The following PPP2R5C variants were observed in gnomAD, a reference collection of about 807,000 sequenced individuals.
The protein encoded by PPP2R5C is serine/threonine-protein phosphatase 2A 56 kDa regulatory subunit gamma isoform.
PPP2R5C carries 7 observed loss-of-function variants against 68.9 expected under a neutral mutation model. The ratio of observed to expected loss-of-function variants is 0.10; its 90% CI spans 0.06 to 0.19. The LOEUF (loss-of-function observed/expected upper bound fraction) is 0.19, where lower values mean the gene tolerates loss of function less well. Among genes scored for constraint, PPP2R5C ranks in the 10% least tolerant of loss-of-function variants. The probability of loss-of-function intolerance (pLI) is 1.00; values close to 1 mark genes in which losing one functional copy is unlikely to be tolerated. For missense variants in PPP2R5C, 348 were observed against 641.3 expected (o/e 0.54, Z 4.94); for synonymous variants, 210 against 222.2 (o/e 0.95, Z 0.49).
chr14:101,787,578 A>G (rs1345190496), intron 3 of PPP2R5C, among the ~76,000 whole-genome samples: 5 of 143,638 alleles, frequency 3.5e-5, no homozygotes, highest in African/African-American at 5.5e-5. Context: ...CCTGGCTAAC[A>G]TGGTGAAACC....
At chr14:101,876,479 T>C (rs560511283) in intron 2 of PPP2R5C, among the ~76,000 whole-genome samples, 3 of 152,218 alleles carry the variant, frequency 2.0e-5, no homozygotes, top group Admixed American at 6.5e-5. Flanking sequence ...GCTGCAGTTA[T>C]GTTACGGCAT....
At chr14:101,770,534 C>T (rs1036583597) in intron 2 of PPP2R5C, among the ~76,000 whole-genome samples, 2 of 152,134 alleles carry the variant, frequency 1.3e-5, no homozygotes, top group African/African-American at 4.8e-5. Context: ...TGCTTTAAAG[C>T]GTCTAGGGAG....
intron 2 of PPP2R5C, among the ~76,000 whole-genome samples, chr14:101,865,405 C>A (rs1217690579): frequency 6.6e-6 from 1 of 152,204 alleles, no homozygotes; most frequent in Non-Finnish European, 1.5e-5. Flanking sequence ...CCAGAAGAGG[C>A]CTGATGTCTC....
chr14:101,868,006 C>T (rs576566586), intron 2 of PPP2R5C, among the ~76,000 whole-genome samples: 9 of 152,104 alleles, frequency 5.9e-5, no homozygotes, highest in Non-Finnish European at 1.2e-4. Flanking sequence ...ACACCCTGCA[C>T]CCCCAGATGG....
At chr14:101,905,249 G>A (rs906673135) in intron 9 of PPP2R5C, among the ~76,000 whole-genome samples, 4 of 152,248 alleles carry the variant, frequency 2.6e-5, no homozygotes, top group Admixed American at 2.6e-4. Context: ...AGCCACTCAG[G>A]AGGCTCAGGT....
intron 12 of PPP2R5C, chr14:101,914,085 T>C (rs1349171530): frequency 8.9e-6 from 4 of 448,108 alleles, no homozygotes; most frequent in Non-Finnish European, 1.8e-5. Context: ...GTTCTCTTTT[T>C]TCTTTTTCTC....
At chr14:101,919,747 C>A (rs930547097) in intron 13 of PPP2R5C, among the ~76,000 whole-genome samples, 1 of 152,140 alleles carries the variant, frequency 6.6e-6, no homozygotes, top group African/African-American at 2.4e-5. Flanking sequence ...GCAGGCAGAT[C>A]ACCTGTGCTC....
At position 101,906,656 on chromosome 14, in the gene PPP2R5C, G is replaced by T; in HGVS notation, c.1151+127G>T. 1 of 1,273,620 alleles carries T rather than the reference G, an allele frequency of 7.9e-7. No homozygotes were observed. Among genetic ancestry groups the T allele is most frequent in the Non-Finnish European group, 1.1e-6 (1 of 933,832 alleles). 78.9% of individuals were successfully genotyped at this position (1,273,620 alleles called of 1,614,324 possible). The stretch of plus-strand genomic sequence containing the variant: ...AAAAAACAAGAAGGTCAGTTGCTTT[G>T]TGGACTCATAAATTAAGTAGCAGCG... On this transcript the variant is annotated intron_variant, in intron 10 of 13. Transcript: ENST00000334743. This position sits in a 1 kb window ranked among gnomAD's most constrained non-coding sequence, Gnocchi z 4.0.
upstream of PPP2R5C, among the ~76,000 whole-genome samples, chr14:101,760,975 GAGGGGAGGGC>G (rs1448026436): frequency 9.5e-5 from 9 of 94,674 alleles, no homozygotes; most frequent in East Asian, 3.7e-4. Context: ...GAGGGGAGGG[GAGGGGAGGGC>G]AGGGGACGGG....
chr14:101,886,960 C>G (rs2044565616), intron 5 of PPP2R5C, among the ~76,000 whole-genome samples: 1 of 152,166 alleles, frequency 6.6e-6, no homozygotes, highest in Non-Finnish European at 1.5e-5. Flanking sequence ...GTCTCAAACT[C>G]CTGGCCTCAA....
intron 1 of PPP2R5C, chr14:101,824,181 C>G (rs1226389927): frequency 4.8e-6 from 6 of 1,260,556 alleles, no homozygotes; most frequent in Non-Finnish European, 6.2e-6. Flanking sequence ...TAAACGTAAA[C>G]TTACTATTGG....
rs931676434 is a variant in PPP2R5C, at chr14:101,906,867, C to T, written c.1151+338C>T. Among the ~76,000 whole-genome samples the T allele has an allele frequency of 6.6e-6, 1 of 152,134 alleles. No individual in the cohort carries two copies. Among genetic ancestry groups the T allele is most frequent in the Non-Finnish European group, 1.5e-5 (1 of 68,026 alleles). On this transcript the variant is annotated intron_variant, in intron 10 of 13. Transcript: ENST00000334743. This position sits in a 1 kb window ranked among gnomAD's most constrained non-coding sequence, Gnocchi z 4.0. ...CTCAGCCCCGGCGGGGGCACAGTGGCCACTGCATTCTCGGGGTGTCTATTG... is the reference window on the plus strand; with the variant it reads ...CTCAGCCCCGGCGGGGGCACAGTGGTCACTGCATTCTCGGGGTGTCTATTG...
chr14:101,829,560 C>A (rs1161455249), intron 1 of PPP2R5C, among the ~76,000 whole-genome samples: 1 of 152,188 alleles, frequency 6.6e-6, no homozygotes, highest in Non-Finnish European at 1.5e-5. Context: ...AAACACTGAT[C>A]GTGCTTTACT....
intron 5 of PPP2R5C, among the ~76,000 whole-genome samples, chr14:101,889,087 G>A (rs1424953018): frequency 1.3e-5 from 2 of 152,094 alleles, no homozygotes; most frequent in Non-Finnish European, 2.9e-5. Flanking sequence ...TGATGTTTGG[G>A]AACATAGAAA....
At chr14:101,811,393 T>A (rs2039351116) in intron 1 of PPP2R5C, among the ~76,000 whole-genome samples, 1 of 152,134 alleles carries the variant, frequency 6.6e-6, no homozygotes, top group African/African-American at 2.4e-5. Flanking sequence ...CAGGCTGGAG[T>A]ACAGTGGTAT....
intron 3 of PPP2R5C, among the ~76,000 whole-genome samples, chr14:101,792,494 C>A (rs2038404338): frequency 6.6e-6 from 1 of 152,206 alleles, no homozygotes; most frequent in South Asian, 2.1e-4. Flanking sequence ...TTCTTACCAA[C>A]CAGAGATACT....
Position 101,916,464 on chromosome 14 carries a change from C to T in PPP2R5C, c.1327-1367C>T, listed in dbSNP as rs189934364. Reference sequence around the variant, plus strand: ...AGCCCACAGAGGAAGGAGCCCAAGGCACCTGGAGGAGAGGCTGGGGTCACA... The same window carrying T: ...AGCCCACAGAGGAAGGAGCCCAAGGTACCTGGAGGAGAGGCTGGGGTCACA... On this transcript the variant is annotated intron_variant, in intron 12 of 13. Transcript: ENST00000334743. This position sits in a 1 kb window ranked among gnomAD's most constrained non-coding sequence, Gnocchi z 5.5. Among the ~76,000 whole-genome samples the T allele has an allele frequency of 9.9e-5, 15 of 152,260 alleles. No homozygotes were observed. The East Asian group carries it at 2.9e-3, about 29-fold the overall frequency.
intron 12 of PPP2R5C, chr14:101,914,279 A>G: frequency 4.5e-6 from 2 of 443,240 alleles, no homozygotes; most frequent in Non-Finnish European, 9.0e-6. Flanking sequence ...CGCAGTCCCC[A>G]TGAGTCTCGT....
rs867416657 is a variant in PPP2R5C, at chr14:101,765,600, C to T, written c.93+2630C>T. ...TTTTTTTTTTTGAGACAGAGTTTCACTCTTGTTCCCTGGCTGGAGTGCAAT... is the reference window on the plus strand; with the variant it reads ...TTTTTTTTTTTGAGACAGAGTTTCATTCTTGTTCCCTGGCTGGAGTGCAAT... On this transcript the variant is annotated intron_variant, in intron 2 of 14. Coordinates refer to the PPP2R5C transcript ENST00000328724. 36 of 190,082 alleles carry T rather than the reference C, an allele frequency of 1.9e-4. 1 individual carries two copies. The highest frequency in any genetic ancestry group is 9.7e-4 in the Admixed American group (17 of 17,536). The allele number at this position is 190,082 out of a possible 1,614,324, so 11.8% of individuals were successfully genotyped here.
Sources: allele counts gnomAD v4.1 joint callset (sites outside exome capture counted in the v4.1 genomes callset), GRCh38; gene constraint gnomAD v4.1.1; non-coding constraint Gnocchi (gnomAD v3.1); transcripts MANE v1.5; gene names NCBI Gene and HGNC (gene_info 2026-07-23, HGNC 2026-07-21).